TRUB2: variants seen among roughly 807,000 people sequenced by gnomAD.
The protein encoded by TRUB2 is pseudouridylate synthase TRUB2, mitochondrial.
A neutral mutation model predicts 31.9 loss-of-function variants in TRUB2; 31 were observed. That is an observed-to-expected ratio of 0.97 (90% confidence interval 0.73 to 1.31). TRUB2 has a LOEUF of 1.31. Ranked by LOEUF, TRUB2 falls within the 50% of genes most tolerant of loss-of-function variation. TRUB2 has a pLI of 0.00. For synonymous variants in TRUB2, 201 were observed against 182.6 expected (o/e 1.10, Z -0.81); for missense variants, 451 against 439.6 (o/e 1.03, Z -0.23).
intron 2 of TRUB2, among the ~76,000 whole-genome samples, chr9:128,320,224 A>G (rs999497251): frequency 9.9e-5 from 15 of 151,852 alleles, no homozygotes; most frequent in African/African-American, 3.6e-4. Flanking sequence ...GCTGGAGTGC[A>G]CTGGCACAGT....
At chr9:128,313,965 G>A (rs1832024975) in intron 4 of TRUB2, 76 bp from the exon 5 acceptor site, 3 of 1,415,594 alleles carry the variant, frequency 2.1e-6, no homozygotes, top group Non-Finnish European at 3.0e-6. Flanking sequence ...AGAAGCTGGG[G>A]GTGGGGGGTC....
rs1452830434 is a variant in TRUB2 at position 128,306,787 on chromosome 9, G to A, written c.*2763C>T. On this transcript the variant is annotated 3_prime_UTR_variant, in exon 8 of 8. Coordinates refer to ENST00000372890, the MANE Select transcript of TRUB2 (RefSeq NM_015679.3). ...GTCTCACTCTCTCGTCCAGACTGGA[G>A]TGCAGGGGCACAATCTCAGCTAATG... The A allele has an allele frequency of 6.6e-6, 1 of 151,576 alleles. No individual in the cohort carries two copies. The highest frequency in any genetic ancestry group is 1.5e-5 in the Non-Finnish European group (1 of 68,000). 9.4% of individuals were successfully genotyped at this position (151,576 alleles called of 1,614,324 possible).
At chr9:128,310,827 T>A (rs1831954673) in intron 7 of TRUB2, 60 bp downstream of exon 7, 14 of 1,604,832 alleles carry the variant, frequency 8.7e-6, no homozygotes, top group Non-Finnish European at 1.2e-5. Flanking sequence ...AGAGCGTTCC[T>A]GAGTGACTCC....
In TRUB2 at chr9:128,309,731, G is replaced by A; in HGVS notation, c.815C>T (p.Thr272Ile). 6.2e-7 allele frequency: 1 copy of A among 1,614,248 alleles called. No individual in the cohort carries two copies. Among genetic ancestry groups the A allele is most frequent in the Non-Finnish European group, 8.5e-7 (1 of 1,180,044 alleles). ...FFTLDSALLR[T>I]QWDLTNIQDA... ...CTGGATGTTGGTTAGGTCCCACTGG[G>A]TCCTCAGGAGGGCACTGTCTAGCGT... is the stretch of plus-strand genomic sequence containing the variant. The change falls in exon 8 of 8, where the codon ACC becomes ATC. Residue 272 changes from threonine (T) to isoleucine (I), a missense_variant. Physicochemically the swap from Thr to Ile is moderately conservative, Grantham distance 89. Coordinates refer to ENST00000372890, the MANE Select transcript of TRUB2 (RefSeq NM_015679.3).
Position 128,322,334 on chromosome 9 carries a change from G to A in TRUB2, c.75C>T (p.His25=), listed in dbSNP as rs368494818. 20 of 1,614,122 alleles carry A rather than the reference G, an allele frequency of 1.2e-5. No individual in the cohort carries two copies. The highest frequency in any genetic ancestry group is 3.3e-4 in the Middle Eastern group (2 of 6,062). ...GTTGTAGCTCCACTGTATCCCGCAG[G>A]TGCTTCCATTTTAGCCCCGGGGGCT... ...VYKPPGLKWK[H]LRDTVELQLL... The change falls in exon 1 of 8, where the codon CAC becomes CAT. Residue 25 remains histidine, a synonymous_variant. Transcript: ENST00000372890.
At chr9:128,309,967 G>A (rs1831940405) in intron 7 of TRUB2, 92 bp from the exon 8 acceptor site, 1 of 1,383,538 alleles carries the variant, frequency 7.2e-7, no homozygotes, top group Non-Finnish European at 9.9e-7. Context: ...CCTCCTAGGT[G>A]TGTAACAACC....
Position 128,309,487 on chromosome 9 carries a change from C to A in TRUB2, c.*63G>T. 4 of 1,494,994 alleles carry A rather than the reference C, an allele frequency of 2.7e-6. No individual in the cohort carries two copies. Among genetic ancestry groups the A allele is most frequent in the Non-Finnish European group, 3.6e-6 (4 of 1,103,492 alleles). The allele number at this position is 1,494,994 out of a possible 1,614,324, so 92.6% of individuals were successfully genotyped here. A position where few individuals can be genotyped will look rare whatever the true frequency, so the allele number is the denominator to read the frequency against. ...CTGCTCTCACTTTCTGCACAGCTAT[C>A]AGGTCCAGCTCATAGCAGTTCTTCT... On this transcript the variant is annotated 3_prime_UTR_variant, in exon 8 of 8. Coordinates refer to ENST00000372890, the MANE Select transcript of TRUB2 (RefSeq NM_015679.3).
rs771913063 is a variant in TRUB2 at position 128,322,424 on chromosome 9, C to T, written c.-16G>A. On this transcript the variant is annotated 5_prime_UTR_variant, in exon 1 of 8. Coordinates refer to ENST00000372890, the MANE Select transcript of TRUB2 (RefSeq NM_015679.3). ...CAGACCCCATACTTGAAGATCACAG[C>T]ACCCGCTGGACCTGGACGGAAGTAC... 4 of 1,613,698 alleles carry T rather than the reference C, an allele frequency of 2.5e-6. No individual in the cohort carries two copies. Among genetic ancestry groups the T allele is most frequent in the South Asian group, 2.2e-5 (2 of 91,082 alleles).
In TRUB2 at chr9:128,309,698, A is replaced by G. The variant is rs769323910; in HGVS notation, c.848T>C (p.Ile283Thr). ...QWDLTNIQDA[I>T]RAATPQVAAE... is the part of the protein sequence containing the mutation. ...AGCTACCTGAGGGGTAGCAGCCCGGATAGCATCCTGGATGTTGGTTAGGTC... is the reference window on the plus strand; with the variant it reads ...AGCTACCTGAGGGGTAGCAGCCCGGGTAGCATCCTGGATGTTGGTTAGGTC... The change falls in exon 8 of 8, where the codon ATC (isoleucine) becomes ACC (threonine). Residue 283 changes from isoleucine to threonine, a missense_variant. Ile to Thr is a moderately conservative substitution (Grantham distance 89, BLOSUM62 -1). Coordinates refer to ENST00000372890, the MANE Select transcript of TRUB2 (RefSeq NM_015679.3). 1.2e-6 allele frequency: 2 copies of G among 1,614,216 alleles called. No homozygotes were observed. The highest frequency in any genetic ancestry group is 8.5e-7 in the Non-Finnish European group (1 of 1,180,034).
Position 128,309,672 on chromosome 9 carries a change from C to T in TRUB2, c.874G>A (p.Ala292Thr), listed in dbSNP as rs947615799. 8.7e-6 allele frequency: 14 copies of T among 1,614,232 alleles called. No homozygotes were observed. Among genetic ancestry groups the T allele is most frequent in the African/African-American group, 1.3e-5 (1 of 75,070 alleles). ...AIRAATPQVAAELEKSLSPGL... is the reference protein window; with the variant it reads ...AIRAATPQVATELEKSLSPGL... ...GGGCTCAAGCTCTTCTCCAGCTCTGCAGCTACCTGAGGGGTAGCAGCCCGG... is the reference window on the plus strand; with the variant it reads ...GGGCTCAAGCTCTTCTCCAGCTCTGTAGCTACCTGAGGGGTAGCAGCCCGG... The change falls in exon 8 of 8, where the codon GCA (alanine) becomes ACA (threonine). Residue 292 changes from alanine to threonine, a missense_variant. By Grantham distance (58) the Ala-to-Thr change is moderately conservative (BLOSUM62 0). Transcript: ENST00000372890.
chr9:128,315,571 G>C lies in TRUB2; in HGVS notation c.374C>G (p.Thr125Ser). 6.2e-7 allele frequency: 1 copy of C among 1,613,462 alleles called. No individual in the cohort carries two copies. Among genetic ancestry groups the C allele is most frequent in the Middle Eastern group, 1.7e-4 (1 of 6,002 alleles). The change falls in exon 4 of 8, where the codon ACC (threonine) becomes AGC (serine). Residue 125 changes from threonine (T) to serine (S), a missense_variant. By Grantham distance (58) the Thr-to-Ser change is moderately conservative. Coordinates refer to ENST00000372890, the MANE Select transcript of TRUB2 (RefSeq NM_015679.3). ...LLTDMYNAHL[T>S]KDYTVRGLLG... ...GCTGTCCCCAGACCCTCGTACCTTG[G>C]TAAGATGAGCATTGTACATATCGGT...
intron 5 of TRUB2, among the ~76,000 whole-genome samples, chr9:128,313,097 A>G (rs991192904): frequency 5.9e-5 from 9 of 151,918 alleles, no homozygotes; most frequent in African/African-American, 2.2e-4. Flanking sequence ...TGCACCTGTA[A>G]TCTCAGCTAC....
intron 6 of TRUB2, chr9:128,311,242 G>A (rs1831963436): frequency 9.3e-6 from 6 of 647,676 alleles, no homozygotes; most frequent in African/African-American, 1.8e-5. Flanking sequence ...GGCTGCTCTT[G>A]CCCTTGGGCT....
At chr9:128,315,463 A>AT in intron 4 of TRUB2, 104 bp downstream of exon 4, 2 of 1,195,502 alleles carry the variant, frequency 1.7e-6, no homozygotes, top group Non-Finnish European at 2.4e-6. Context: ...ATGCTTGCTT[A>AT]TGGCTTGGGT....
At chr9:128,315,769 G>T in intron 3 of TRUB2, 141 bp from the exon 4 acceptor site, 2 of 900,244 alleles carry the variant, frequency 2.2e-6, no homozygotes, top group Non-Finnish European at 3.5e-6. Flanking sequence ...TCTTCTACAG[G>T]GGGCAGGTGC....
In TRUB2 at chr9:128,317,241, A is replaced by G; in HGVS notation, c.242-15T>C. On this transcript the variant is annotated splice_polypyrimidine_tract_variant and intron_variant, in intron 2 of 7. Coordinates refer to ENST00000372890, the MANE Select transcript of TRUB2 (RefSeq NM_015679.3). ...TGGTCCACATACTGGAAAGAAACAA[A>G]CAAGGTCCATTTTCTCAACTAAATG... 1 of 1,584,658 alleles carries G rather than the reference A, an allele frequency of 6.3e-7. No individual in the cohort carries two copies. The highest frequency in any genetic ancestry group is 1.8e-5 in the Admixed American group (1 of 56,956).
At position 128,320,934 on chromosome 9, in the gene TRUB2, G is replaced by A. The variant is rs181144477; in HGVS notation, c.241+665C>T. On this transcript the variant is annotated intron_variant, in intron 2 of 7. Transcript: ENST00000372890. ...CTCCTGAGCAACTGGGACTACAGGC[G>A]CCTGCCACCACTCCCGGCTAATTTT... is the stretch of plus-strand genomic sequence containing the variant. Among the ~76,000 whole-genome samples the A allele has an allele frequency of 1.9e-3, 284 of 151,872 alleles. 1 individual carries two copies. Among genetic ancestry groups the A allele is most frequent in the African/African-American group, 6.6e-3 (272 of 41,424 alleles).
rs914616478 is a variant in TRUB2, at chr9:128,309,831, C to T, written c.715G>A (p.Val239Ile). 3 of 1,614,126 alleles carry T rather than the reference C, an allele frequency of 1.9e-6. No individual in the cohort carries two copies. In the African/African-American group the frequency reaches 4.0e-5, roughly 22 times the overall value. Residue 239 changes from valine to isoleucine, a missense_variant, in exon 8 of 8, where the codon GTT becomes ATT. Transcript: ENST00000372890. ...HETQKELRKLVHEIGLELKTT... is the reference protein window; with the variant it reads ...HETQKELRKLIHEIGLELKTT... ...TTTAGTTCCAGGCCGATTTCATGAA[C>T]CAACTTCCGCAGCTCTTTCTGCGTC...
intron 2 of TRUB2, among the ~76,000 whole-genome samples, chr9:128,318,866 T>G (rs1832112737): frequency 6.6e-6 from 1 of 151,860 alleles, no homozygotes; most frequent in Non-Finnish European, 1.5e-5. Flanking sequence ...AAGAATGGTT[T>G]TTGCATTTTT....
Sources: gnomAD v4.1 joint callset for allele counts (sites outside exome capture counted in the v4.1 genomes callset) on GRCh38, gnomAD v4.1.1 for gene constraint, MANE v1.5 for transcripts, NCBI Gene and HGNC (gene_info 2026-07-23, HGNC 2026-07-21) for gene names.